The following CNTN5 variants were observed in gnomAD, a reference collection of about 807,000 sequenced individuals.
CNTN5 encodes contactin 5.
Under a neutral mutation model 129.1 loss-of-function variants are expected in CNTN5, and 77 were observed. That is an observed-to-expected ratio of 0.60 (90% CI 0.50 to 0.72). CNTN5 has a LOEUF of 0.72. Ranked by LOEUF, CNTN5 falls within the 30% of genes least tolerant of loss-of-function variation. CNTN5 has a pLI of 0.00. For synonymous variants in CNTN5, 509 were observed against 465.6 expected, an observed-to-expected ratio of 1.09 and a Z score of -1.20; for missense variants, 1,478 against 1,328.8, an observed-to-expected ratio of 1.11 and a Z score of -1.75.
At chr11:99,728,466 T>C (rs575296699) in intron 3 of CNTN5, among the ~76,000 whole-genome samples, 2 of 152,312 alleles carry the variant, frequency 1.3e-5, no homozygotes, top group Non-Finnish European at 1.5e-5. Flanking sequence ...TTACTGATGA[T>C]AATATTTAAA....
chr11:99,722,865 A>G (rs116046303), intron 3 of CNTN5, among the ~76,000 whole-genome samples: 2,378 of 152,014 alleles, frequency 0.016, 64 homozygotes, highest in African/African-American at 0.054. Flanking sequence ...TACATAATGT[A>G]TACCTCAACT....
At chr11:99,196,161 A>G (rs1858890734) in intron 1 of CNTN5, among the ~76,000 whole-genome samples, 1 of 151,960 alleles carries the variant, frequency 6.6e-6, no homozygotes, top group Admixed American at 6.6e-5. Flanking sequence ...TTACAGTAAA[A>G]AAAAAAATAG....
At chr11:99,290,528 T>C (rs1411153889) in intron 1 of CNTN5, among the ~76,000 whole-genome samples, 2 of 152,002 alleles carry the variant, frequency 1.3e-5, no homozygotes, top group East Asian at 3.9e-4. Flanking sequence ...GTTTCATTTT[T>C]CATTCTACAT....
At chr11:99,322,853 T>G (rs981363998) in intron 1 of CNTN5, among the ~76,000 whole-genome samples, 4 of 152,210 alleles carry the variant, frequency 2.6e-5, no homozygotes, top group Non-Finnish European at 5.9e-5. Flanking sequence ...TTTTAGGCTA[T>G]TTTTCCATCT....
At chr11:99,814,914 G>A (rs1946534838) in intron 3 of CNTN5, among the ~76,000 whole-genome samples, 1 of 152,096 alleles carries the variant, frequency 6.6e-6, no homozygotes, top group Admixed American at 6.6e-5. Context: ...GGAAGGCAAA[G>A]GGGAGGCAGG....
chr11:99,830,275 C>T (rs1205750723), intron 4 of CNTN5, among the ~76,000 whole-genome samples: 3 of 152,142 alleles, frequency 2.0e-5, no homozygotes, highest in Non-Finnish European at 4.4e-5. Context: ...CAATGGTAAA[C>T]ACAATCTGCA....
At chr11:99,660,752 T>C (rs1196900098) in intron 3 of CNTN5, among the ~76,000 whole-genome samples, 1 of 152,134 alleles carries the variant, frequency 6.6e-6, no homozygotes, top group African/African-American at 2.4e-5. Context: ...CCAAATTCTA[T>C]GCAGCCGCCT....
chr11:99,217,736 A>G (rs886406277), intron 1 of CNTN5, among the ~76,000 whole-genome samples: 1 of 152,036 alleles, frequency 6.6e-6, no homozygotes, highest in Admixed American at 6.6e-5. Context: ...GTACCATTAA[A>G]TCTACCAACC....
At chr11:100,088,919 C>G (rs1944652167) in intron 13 of CNTN5, among the ~76,000 whole-genome samples, 1 of 151,874 alleles carries the variant, frequency 6.6e-6, no homozygotes, top group Admixed American at 6.6e-5. Flanking sequence ...CAAAACCTGG[C>G]AAAGATACAA....
rs191446487 is a variant in CNTN5 at position 99,326,680 on chromosome 11, C to A, written c.-71+1196C>A. Among the ~76,000 whole-genome samples the A allele has an allele frequency of 5.7e-3, 869 of 152,030 alleles. 3 individuals carry two copies. The highest frequency in any genetic ancestry group is 0.01 in the Admixed American group (158 of 15,240). ...CCAGTCTGTCATTTTGATTGCAGGCCCTAACTGTACCAGGTATCTCTAAAT... is the reference window on the plus strand; with the variant it reads ...CCAGTCTGTCATTTTGATTGCAGGCACTAACTGTACCAGGTATCTCTAAAT... On this transcript the variant is annotated intron_variant, in intron 2 of 24. Coordinates refer to ENST00000524871, the MANE Select transcript of CNTN5 (RefSeq NM_014361.4).
At chr11:99,789,103 C>T (rs1945644838) in intron 3 of CNTN5, among the ~76,000 whole-genome samples, 1 of 151,676 alleles carries the variant, frequency 6.6e-6, no homozygotes, top group African/African-American at 2.4e-5. Context: ...AGAAATAGTC[C>T]TATGTTACTT....
chr11:99,354,318 A>G (rs1162816426), intron 2 of CNTN5, among the ~76,000 whole-genome samples: 1 of 152,156 alleles, frequency 6.6e-6, no homozygotes, highest in Non-Finnish European at 1.5e-5. Flanking sequence ...TCATCATTTG[A>G]CCTTAGAATA....
At chr11:99,204,529 G>A (rs1400390641) in intron 1 of CNTN5, among the ~76,000 whole-genome samples, 2 of 152,028 alleles carry the variant, frequency 1.3e-5, no homozygotes, top group Non-Finnish European at 2.9e-5. Context: ...AACATTATAG[G>A]GAAAATGATA....
At chr11:99,928,598 C>T (rs555364857) in intron 7 of CNTN5, among the ~76,000 whole-genome samples, 11 of 152,312 alleles carry the variant, frequency 7.2e-5, no homozygotes, top group Non-Finnish European at 1.0e-4. Flanking sequence ...ACCTTGGCCC[C>T]TTTTAGCCAC....
intron 17 of CNTN5, among the ~76,000 whole-genome samples, chr11:100,265,763 TA>T (rs1327355054): frequency 2.0e-5 from 3 of 152,124 alleles, no homozygotes; most frequent in Non-Finnish European, 2.9e-5. Flanking sequence ...GACTAAAATG[TA>T]AATGGGAATA....
At chr11:99,130,224 A>G (rs1007025131) in intron 1 of CNTN5, among the ~76,000 whole-genome samples, 1 of 152,222 alleles carries the variant, frequency 6.6e-6, no homozygotes, top group South Asian at 2.1e-4. Context: ...GACACATCTC[A>G]TGTGCAGAGA....
At chr11:99,998,348 T>C (rs1939601336) in intron 8 of CNTN5, among the ~76,000 whole-genome samples, 1 of 147,526 alleles carries the variant, frequency 6.8e-6, no homozygotes, top group African/African-American at 2.5e-5. Context: ...ACAAGCATTC[T>C]TCTACACCAA....
intron 3 of CNTN5, among the ~76,000 whole-genome samples, chr11:99,583,560 A>C (rs549623471): frequency 6.6e-6 from 1 of 152,166 alleles, no homozygotes; most frequent in Non-Finnish European, 1.5e-5. Flanking sequence ...GCCTCCTTGC[A>C]GTTAGATCTC....
intron 15 of CNTN5, among the ~76,000 whole-genome samples, chr11:100,213,930 G>C (rs992073059): frequency 1.3e-5 from 2 of 152,024 alleles, no homozygotes; most frequent in Non-Finnish European, 1.5e-5. Context: ...CTAAGCATCA[G>C]AAACTTTCAA....
Sources: gnomAD v4.1 joint callset for allele counts (sites outside exome capture counted in the v4.1 genomes callset) on GRCh38, gnomAD v4.1.1 for gene constraint, MANE v1.5 for transcripts, NCBI Gene and HGNC (gene_info 2026-07-23, HGNC 2026-07-21) for gene names.